ATG5: variants seen among roughly 807,000 people sequenced by gnomAD.
The protein encoded by ATG5 is autophagy protein 5.
A neutral mutation model predicts 36.5 loss-of-function variants in ATG5; 14 were observed. That is an observed-to-expected ratio of 0.38 (90% CI 0.25 to 0.60). ATG5 has a LOEUF of 0.60. Among genes scored for constraint, ATG5 ranks in the 20% least tolerant of loss-of-function variants. The pLI, the probability that ATG5 is intolerant of heterozygous loss-of-function variation, is 0.60. For missense variants in ATG5, 195 were observed against 326.7 expected (o/e 0.60, Z 3.11); for synonymous variants, 95 against 101.5 (o/e 0.94, Z 0.38).
At position 106,319,661 on chromosome 6, in the gene ATG5, T is replaced by A. The variant is rs544838886; in HGVS notation, c.-58-3395A>T. 1.1e-4 allele frequency among the ~76,000 whole-genome samples: 16 copies of A among 152,332 alleles called. No homozygotes were observed. In the East Asian group the frequency reaches 3.1e-3, roughly 29 times the overall value. ...GATTCAGGCAGAACTCGCCTTGTTT[T>A]CTCTTGGCACCTCTACTTTTCCTCT... On this transcript the variant is annotated intron_variant, in intron 1 of 7. Transcript: ENST00000369076.
At chr6:106,250,155 C>A (rs1778514240) in intron 5 of ATG5, among the ~76,000 whole-genome samples, 1 of 150,714 alleles carries the variant, frequency 6.6e-6, no homozygotes, top group South Asian at 2.1e-4. Flanking sequence ...GAAATACATC[C>A]AGAATTACAG....
chr6:106,187,647 G>C (rs1195694694), intron 7 of ATG5, among the ~76,000 whole-genome samples: 1 of 152,118 alleles, frequency 6.6e-6, no homozygotes, highest in Non-Finnish European at 1.5e-5. Flanking sequence ...AGGGAATCAA[G>C]CAACTCTATA....
intron 1 of ATG5, among the ~76,000 whole-genome samples, chr6:106,318,677 T>C (rs749040612): frequency 2.0e-5 from 3 of 152,184 alleles, no homozygotes; most frequent in Non-Finnish European, 1.5e-5. Flanking sequence ...TATAATGTAG[T>C]AGAGCTGATA....
intron 7 of ATG5, among the ~76,000 whole-genome samples, chr6:106,197,185 AAAAAG>A (rs1776229594): frequency 6.6e-6 from 1 of 152,214 alleles, no homozygotes; most frequent in Non-Finnish European, 1.5e-5. Flanking sequence ...AACATATTTT[AAAAAG>A]TAGATTGTCG....
intron 5 of ATG5, among the ~76,000 whole-genome samples, chr6:106,266,387 C>T (rs189423275): frequency 3.4e-4 from 52 of 152,226 alleles, no homozygotes; most frequent in Admixed American, 3.1e-3. Flanking sequence ...CAGGACCAGA[C>T]GGATTCACAG....
chr6:106,262,103 C>T (rs947510544), intron 5 of ATG5, among the ~76,000 whole-genome samples: 39 of 152,190 alleles, frequency 2.6e-4, no homozygotes, highest in African/African-American at 8.2e-4. Flanking sequence ...GGCAGAGTCT[C>T]GCTCTGTCAC....
intron 5 of ATG5, among the ~76,000 whole-genome samples, chr6:106,277,030 G>C (rs1779684640): frequency 6.6e-6 from 1 of 151,830 alleles, no homozygotes; most frequent in South Asian, 2.1e-4. Context: ...ATGTAACCTA[G>C]GTAAAATCTA....
intron 2 of ATG5, 55 bp downstream of exon 2, chr6:106,316,046 T>A: frequency 7.0e-7 from 1 of 1,438,746 alleles, no homozygotes; most frequent in South Asian, 1.2e-5. Context: ...TACAGCTTTT[T>A]CTTACAAAAA....
Position 106,301,283 on chromosome 6 carries a change from C to T in ATG5, c.236+7081G>A, listed in dbSNP as rs533014607. 2.6e-5 allele frequency among the ~76,000 whole-genome samples: 4 copies of T among 152,158 alleles called. No homozygotes were observed. In the East Asian group the frequency reaches 7.7e-4, roughly 29 times the overall value. On this transcript the variant is annotated intron_variant, in intron 3 of 7. Transcript: ENST00000369076. The stretch of plus-strand genomic sequence containing the variant: ...ACATAACCTCCTTGTAAGCTCTCTA[C>T]AAATCGACAACAACAAATGTATTGA...
chr6:106,206,817 T>C (rs979404216), intron 6 of ATG5, among the ~76,000 whole-genome samples: 5 of 152,192 alleles, frequency 3.3e-5, no homozygotes, highest in Non-Finnish European at 7.3e-5. Flanking sequence ...CTGCAAACTT[T>C]TCAACAGCTC....
At chr6:106,247,312 C>T (rs1582605752) in intron 6 of ATG5, among the ~76,000 whole-genome samples, 1 of 151,990 alleles carries the variant, frequency 6.6e-6, no homozygotes, top group Admixed American at 6.6e-5. Context: ...TCCTGGAATG[C>T]CATTCATTAA....
intron 6 of ATG5, among the ~76,000 whole-genome samples, chr6:106,206,938 T>C (rs1407407996): frequency 6.6e-6 from 1 of 152,190 alleles, no homozygotes; most frequent in Non-Finnish European, 1.5e-5. Context: ...TATATAAAAT[T>C]AGACAAGACT....
At chr6:106,305,055 C>T (rs976130689) in intron 3 of ATG5, among the ~76,000 whole-genome samples, 9 of 149,790 alleles carry the variant, frequency 6.0e-5, no homozygotes, top group African/African-American at 2.2e-4. Context: ...CATGCCATTG[C>T]ACTCCAGCCT....
intron 7 of ATG5, among the ~76,000 whole-genome samples, chr6:106,197,161 A>C (rs373363330): frequency 6.6e-5 from 10 of 152,320 alleles, no homozygotes; most frequent in East Asian, 3.9e-4. Flanking sequence ...GTTATAAAAA[A>C]GGAAGTTTAA....
intron 5 of ATG5, among the ~76,000 whole-genome samples, chr6:106,275,674 T>A (rs914721946): frequency 1.3e-5 from 2 of 152,036 alleles, no homozygotes; most frequent in African/African-American, 4.8e-5. Flanking sequence ...AAAAAGTAAT[T>A]TTATGCCCCA....
At chr6:106,243,979 A>G (rs993106565) in intron 6 of ATG5, among the ~76,000 whole-genome samples, 1 of 121,134 alleles carries the variant, frequency 8.3e-6, no homozygotes, top group Non-Finnish European at 1.6e-5. Flanking sequence ...TAGTGGCATG[A>G]TCATGGCTCA....
rs759359642 is a variant in ATG5 at position 106,281,723 on chromosome 6, G to GT, written c.316-1901dup. Among the ~76,000 whole-genome samples the GT allele has an allele frequency of 3.9e-5, 6 of 152,166 alleles. No homozygotes were observed. The South Asian group carries it at 6.2e-4, about 16-fold the overall frequency. Reference sequence around the variant, plus strand: ...AGAAATGCTGGGTCATAGAGTAAGTGTATGTTCTAACTTTACTTAAAAACT... The same window carrying GT: ...AGAAATGCTGGGTCATAGAGTAAGTGTTATGTTCTAACTTTACTTAAAAACT... On this transcript the variant is annotated intron_variant, in intron 4 of 7. Transcript: ENST00000369076.
intron 6 of ATG5, among the ~76,000 whole-genome samples, chr6:106,233,154 G>C (rs186693753): frequency 6.6e-6 from 1 of 152,172 alleles, no homozygotes; most frequent in African/African-American, 2.4e-5. Context: ...CCAAACCAAA[G>C]GCTCAGCTCT....
rs560284589 is a variant in ATG5 at position 106,201,773 on chromosome 6, CAGTCG to C, written c.691+194_691+198del. ...ATTTAAAAACTGTATTTTATTTCGC[CAGTCG>C]AGTCATCATTTTGTTAGTCAATAAT... On this transcript the variant is annotated intron_variant, in intron 7 of 7. Coordinates refer to ENST00000369076, the MANE Select transcript of ATG5 (RefSeq NM_004849.4). 452 of 340,866 alleles carry C rather than the reference CAGTCG, an allele frequency of 1.3e-3. 1 individual carries two copies. Among genetic ancestry groups the C allele is most frequent in the African/African-American group, 8.6e-3 (405 of 47,210 alleles). The allele number at this position is 340,866 out of a possible 1,614,324, so 21.1% of individuals were successfully genotyped here. A position where few individuals can be genotyped will look rare whatever the true frequency, so the allele number is the denominator to read the frequency against.
Sources: allele counts gnomAD v4.1 joint callset (sites outside exome capture counted in the v4.1 genomes callset), GRCh38; gene constraint gnomAD v4.1.1; transcripts MANE v1.5; gene names NCBI Gene and HGNC (gene_info 2026-07-23, HGNC 2026-07-21).